Variants in GNG2 observed in about 807,000 individuals in gnomAD.
GNG2 encodes the protein guanine nucleotide-binding protein G(I)/G(S)/G(O) subunit gamma-2.
GNG2 carries 5 observed loss-of-function variants against 5.5 expected under a neutral mutation model. The observed-to-expected ratio is 0.91, with a 90% CI of 0.48 to 1.92. The LOEUF is 1.92. Among genes scored for constraint, GNG2 ranks in the 30% most tolerant of loss-of-function variants. The pLI, the probability that GNG2 is intolerant of heterozygous loss-of-function variation, is 0.01. For missense variants in GNG2, 55 were observed against 88.4 expected, an observed-to-expected ratio of 0.62 and a Z score of 1.52; for synonymous variants, 28 against 32.0, an observed-to-expected ratio of 0.88 and a Z score of 0.42.
chr14:51,878,291 C>G (rs1037944039), intron 2 of GNG2, among the ~76,000 whole-genome samples: 11 of 152,176 alleles, frequency 7.2e-5, no homozygotes, highest in African/African-American at 2.7e-4. Context: ...TCCCCTCCCC[C>G]ACCATTTTAA....
intron 3 of GNG2, among the ~76,000 whole-genome samples, chr14:51,955,626 T>C (rs570869311): frequency 6.6e-6 from 1 of 152,340 alleles, no homozygotes; most frequent in Non-Finnish European, 1.5e-5. Flanking sequence ...GTTACATTTA[T>C]GGACTTGGAG....
chr14:51,863,773 C>T (rs1882682709), intron 1 of GNG2, among the ~76,000 whole-genome samples: 1 of 152,158 alleles, frequency 6.6e-6, no homozygotes, highest in African/African-American at 2.4e-5. Flanking sequence ...TGAAGTCATA[C>T]AATATTTGTC....
At chr14:51,919,277 C>A (rs1886867937) in intron 2 of GNG2, among the ~76,000 whole-genome samples, 1 of 152,094 alleles carries the variant, frequency 6.6e-6, no homozygotes, top group South Asian at 2.1e-4. Flanking sequence ...CTCAAAAAAT[C>A]TTTTCTTTGT....
intron 2 of GNG2, among the ~76,000 whole-genome samples, chr14:51,921,935 T>C (rs181732785): frequency 3.2e-4 from 49 of 152,356 alleles, no homozygotes; most frequent in African/African-American, 1.2e-3. Context: ...TTCTCTTCAT[T>C]TCTTAATACA....
chr14:51,908,537 T>TCTATCTAG (rs1886082384), intron 2 of GNG2, among the ~76,000 whole-genome samples: 1 of 124,200 alleles, frequency 8.1e-6, no homozygotes, highest in South Asian at 2.2e-4. Context: ...GATCTATCTA[T>TCTATCTAG]CTATCTATCT....
At position 51,881,701 on chromosome 14, in the gene GNG2, CTTT is replaced by C. The variant is rs58544362; in HGVS notation, c.-30+4065_-30+4067del. On this transcript the variant is annotated intron_variant, in intron 2 of 3. Coordinates refer to ENST00000556766, the MANE Select transcript of GNG2 (RefSeq NM_053064.5). The stretch of plus-strand genomic sequence containing the variant: ...CATTTGACTTTTAGGAGCTGGAAGA[CTTT>C]TTTTTTTTTTTTTTTTTTTTAACGT... Among the ~76,000 whole-genome samples the C allele has an allele frequency of 1.2e-4, 12 of 104,218 alleles. 1 individual carries two copies. Among genetic ancestry groups the C allele is most frequent in the African/African-American group, 2.2e-4 (6 of 26,846 alleles). 68.4% of individuals were successfully genotyped at this position (104,218 alleles called of 152,430 possible). A position where few individuals can be genotyped will look rare whatever the true frequency, so the allele number is the denominator to read the frequency against.
chr14:51,839,003 C>T (rs1881413156), intron 2 of GNG2, among the ~76,000 whole-genome samples: 1 of 152,086 alleles, frequency 6.6e-6, no homozygotes, highest in Admixed American at 6.6e-5. Flanking sequence ...AGTCAAATAA[C>T]TCAAGCCCAT....
chr14:51,839,182 T>C (rs1164511477), intron 2 of GNG2, among the ~76,000 whole-genome samples: 1 of 152,206 alleles, frequency 6.6e-6, no homozygotes, highest in Non-Finnish European at 1.5e-5. Flanking sequence ...TGATGACATA[T>C]GTCCACGGTG....
Position 51,906,961 on chromosome 14 carries a change from T to G in GNG2, c.-30+29304T>G, listed in dbSNP as rs562040789. ...TAGTAGAGACGGGGTTTCACCGTGTTAGCCAGGATGGTCTCGATCTCCTGA... is the reference window on the plus strand; with the variant it reads ...TAGTAGAGACGGGGTTTCACCGTGTGAGCCAGGATGGTCTCGATCTCCTGA... On this transcript the variant is annotated intron_variant, in intron 2 of 3. Coordinates refer to ENST00000556766, the MANE Select transcript of GNG2 (RefSeq NM_053064.5). Among the ~76,000 whole-genome samples the G allele has an allele frequency of 3.9e-5, 6 of 152,250 alleles. No homozygotes were observed. The South Asian group carries it at 1.2e-3, about 32-fold the overall frequency.
chr14:51,857,441 G>C (rs1882214785), upstream of GNG2, among the ~76,000 whole-genome samples: 1 of 152,188 alleles, frequency 6.6e-6, no homozygotes, highest in Non-Finnish European at 1.5e-5. Context: ...AGAAGGCTTT[G>C]TATGCCATGC....
At chr14:51,854,640 G>A (rs1414201214) in intron 2 of GNG2, among the ~76,000 whole-genome samples, 2 of 151,520 alleles carry the variant, frequency 1.3e-5, no homozygotes, top group East Asian at 1.9e-4. Flanking sequence ...CTCCCCCCGA[G>A]TAGCTGGGAT....
intron 2 of GNG2, among the ~76,000 whole-genome samples, chr14:51,915,982 C>T (rs1303008953): frequency 6.6e-6 from 1 of 152,146 alleles, no homozygotes; most frequent in African/African-American, 2.4e-5. Context: ...GGAGGCATTA[C>T]AGTTATACAG....
chr14:51,827,649 A>G (rs1298962096), intron 1 of GNG2: 20 of 697,356 alleles, frequency 2.9e-5, no homozygotes, highest in Non-Finnish European at 5.2e-5. Flanking sequence ...TCATCCACGT[A>G]TATGTTTACA....
At chr14:51,863,928 A>G (rs1882693470) in intron 1 of GNG2, among the ~76,000 whole-genome samples, 1 of 152,152 alleles carries the variant, frequency 6.6e-6, no homozygotes, top group Non-Finnish European at 1.5e-5. Flanking sequence ...CTTTTGATGG[A>G]CACTCGGGCC....
intron 1 of GNG2, among the ~76,000 whole-genome samples, chr14:51,873,607 A>G (rs1279649688): frequency 1.3e-5 from 2 of 152,226 alleles, no homozygotes; most frequent in African/African-American, 4.8e-5. Context: ...ATCATTTGGC[A>G]TTCTCTTGGG....
chr14:51,831,460 G>T (rs1168813450), intron 2 of GNG2, among the ~76,000 whole-genome samples: 1 of 152,192 alleles, frequency 6.6e-6, no homozygotes, highest in Non-Finnish European at 1.5e-5. Flanking sequence ...TGATATAAAT[G>T]AAAAGGACAG....
chr14:51,859,970 T>A (rs969748785), upstream of GNG2, among the ~76,000 whole-genome samples: 17 of 152,214 alleles, frequency 1.1e-4, no homozygotes, highest in Admixed American at 1.1e-3. Context: ...CCGTGCCCCA[T>A]AAGAATACTT....
At chr14:51,881,468 C>A (rs993704826) in intron 2 of GNG2, among the ~76,000 whole-genome samples, 22 of 152,226 alleles carry the variant, frequency 1.4e-4, no homozygotes, top group Non-Finnish European at 2.8e-4. Context: ...CTTGCTGGGC[C>A]TTTCCCCACT....
intron 2 of GNG2, among the ~76,000 whole-genome samples, chr14:51,945,474 A>C (rs189670026): frequency 6.6e-6 from 1 of 152,110 alleles, no homozygotes; most frequent in Admixed American, 6.5e-5. Context: ...TGAGATACCT[A>C]AAGTAGTCAA....
Sources: gnomAD v4.1 joint callset for allele counts (sites outside exome capture counted in the v4.1 genomes callset) on GRCh38, gnomAD v4.1.1 for gene constraint, MANE v1.5 for transcripts, NCBI Gene and HGNC (gene_info 2026-07-23, HGNC 2026-07-21) for gene names.